Variants in TANC1 observed in about 807,000 individuals in gnomAD.
TANC1 encodes the protein tetratricopeptide repeat, ankyrin repeat and coiled-coil containing 1.
In TANC1, 77 loss-of-function variants were observed where a neutral mutation model predicts 149.7. The observed-to-expected ratio is 0.51, with a 90% CI of 0.43 to 0.62. The LOEUF is 0.62. TANC1 is among the 20% of genes least tolerant of loss of function. The probability of loss-of-function intolerance (pLI) is 0.00; values close to 1 mark genes in which losing one functional copy is unlikely to be tolerated. For missense variants in TANC1, 1,985 were observed against 2,321.8 expected (o/e 0.85, Z 2.98); for synonymous variants, 854 against 925.0 (o/e 0.92, Z 1.39).
intron 2 of TANC1, among the ~76,000 whole-genome samples, chr2:159,034,265 C>T (rs1382993449): frequency 6.6e-6 from 1 of 152,178 alleles, no homozygotes; most frequent in African/African-American, 2.4e-5. Context: ...TCATCACCTA[C>T]AAATCGTTAT....
rs185417376 is a variant in TANC1, at chr2:159,030,946, G to T, written c.-16+29757G>T. 3.3e-5 allele frequency among the ~76,000 whole-genome samples: 5 copies of T among 152,244 alleles called. No individual in the cohort carries two copies. In the East Asian group the frequency reaches 7.7e-4, roughly 24 times the overall value. ...AGGTCTTCAGGGCTGGTGGCTCAGG[G>T]TATATGAGTAGCCTGACACAGGCAC... On this transcript the variant is annotated intron_variant, in intron 2 of 26. Coordinates refer to ENST00000263635, the MANE Select transcript of TANC1 (RefSeq NM_033394.3).
rs555583459 is a variant in TANC1 at position 159,231,107 on chromosome 2, G to C, written c.*95G>C. 14 of 1,133,586 alleles carry C rather than the reference G, an allele frequency of 1.2e-5. No homozygotes were observed. The African/African-American group carries it at 2.2e-4, about 18-fold the overall frequency. The allele number at this position is 1,133,586 out of a possible 1,614,324, so 70.2% of individuals were successfully genotyped here. ...TTTTCATCAGAAAAATTATTTTTTA[G>C]CCATTTTTTTTCTTTGGGGTGGATC... On this transcript the variant is annotated 3_prime_UTR_variant, in exon 27 of 27. Coordinates refer to ENST00000263635, the MANE Select transcript of TANC1 (RefSeq NM_033394.3).
chr2:159,120,076 T>C (rs1168068950), intron 4 of TANC1, among the ~76,000 whole-genome samples: 2 of 152,210 alleles, frequency 1.3e-5, no homozygotes, highest in African/African-American at 4.8e-5. Flanking sequence ...CTTCTGACCA[T>C]GTGCAACAGG....
At chr2:158,985,797 C>T (rs1240602835) in intron 1 of TANC1, among the ~76,000 whole-genome samples, 2 of 152,196 alleles carry the variant, frequency 1.3e-5, no homozygotes, top group Middle Eastern at 3.2e-3. Flanking sequence ...GCATGTGCCA[C>T]CACGCCCAGC....
chr2:158,975,458 AATGAATATGT>A (rs1347801894), intron 1 of TANC1, among the ~76,000 whole-genome samples: 2 of 152,178 alleles, frequency 1.3e-5, no homozygotes, highest in Admixed American at 6.5e-5. Flanking sequence ...GTGACTCATT[AATGAATATGT>A]ATGTGACGCC....
chr2:159,154,523 T>C (rs1341162199), intron 7 of TANC1, among the ~76,000 whole-genome samples: 1 of 152,178 alleles, frequency 6.6e-6, no homozygotes, highest in Non-Finnish European at 1.5e-5. Context: ...GCCCCTCCAG[T>C]CTTCCTCTCT....
At chr2:159,204,281 T>G (rs1038547551) in intron 19 of TANC1, among the ~76,000 whole-genome samples, 2 of 152,076 alleles carry the variant, frequency 1.3e-5, no homozygotes, top group Non-Finnish European at 2.9e-5. Context: ...GGGGGAGCAG[T>G]AAGGGGCCTG....
chr2:159,154,324 C>G (rs1378122094), intron 7 of TANC1, among the ~76,000 whole-genome samples: 1 of 152,182 alleles, frequency 6.6e-6, no homozygotes, highest in Non-Finnish European at 1.5e-5. Flanking sequence ...TATATTTAAT[C>G]TAAATATTTT....
At chr2:158,986,666 C>G (rs554438264) in intron 1 of TANC1, among the ~76,000 whole-genome samples, 1 of 152,252 alleles carries the variant, frequency 6.6e-6, no homozygotes, top group African/African-American at 2.4e-5. Context: ...TCCCAATGGC[C>G]TAGGCTGTCT....
At chr2:159,106,139 C>G (rs895678218) in intron 4 of TANC1, among the ~76,000 whole-genome samples, 18 of 151,996 alleles carry the variant, frequency 1.2e-4, no homozygotes, top group African/African-American at 4.4e-4. Flanking sequence ...ATTTACATAC[C>G]ACATAATTCA....
intron 20 of TANC1, among the ~76,000 whole-genome samples, chr2:159,218,656 A>G (rs998107597): frequency 1.1e-4 from 17 of 152,164 alleles, no homozygotes; most frequent in African/African-American, 3.9e-4. Context: ...TTTTCTCCCC[A>G]AACTTATGAC....
At chr2:159,105,414 T>C (rs2047083933) in intron 4 of TANC1, among the ~76,000 whole-genome samples, 2 of 152,220 alleles carry the variant, frequency 1.3e-5, no homozygotes, top group Admixed American at 1.3e-4. Flanking sequence ...CATTTAAGTG[T>C]ACAGTTCAGT....
At position 159,179,098 on chromosome 2, in the gene TANC1, G is replaced by T; in HGVS notation, c.2445G>T (p.Pro815=). Residue 815 remains proline (P), a synonymous_variant, in exon 14 of 27, where the codon CCG becomes CCT. Coordinates refer to ENST00000263635, the MANE Select transcript of TANC1 (RefSeq NM_033394.3). ...ACAAAACCCGCATGTTCTGCCACCCGTCCTTCAGGGAGTGGCTTGTATGGA... is the reference window on the plus strand; with the variant it reads ...ACAAAACCCGCATGTTCTGCCACCCTTCCTTCAGGGAGTGGCTTGTATGGA... ...RRDKTRMFCH[P]SFREWLVWRA... is the part of the protein sequence containing the mutation. 1 of 1,613,674 alleles carries T rather than the reference G, an allele frequency of 6.2e-7. No individual in the cohort carries two copies. The highest frequency in any genetic ancestry group is 8.5e-7 in the Non-Finnish European group (1 of 1,179,982).
At chr2:159,187,948 G>A (rs1457305664) in intron 16 of TANC1, among the ~76,000 whole-genome samples, 1 of 152,206 alleles carries the variant, frequency 6.6e-6, no homozygotes, top group Admixed American at 6.5e-5. Flanking sequence ...AAGTTTTTAA[G>A]ACAGTAAATT....
At chr2:159,082,118 C>T (rs892111935) in intron 3 of TANC1, among the ~76,000 whole-genome samples, 2 of 152,252 alleles carry the variant, frequency 1.3e-5, no homozygotes, top group African/African-American at 4.8e-5. Flanking sequence ...GGGCTATACT[C>T]AGCCTCCCTA....
intron 24 of TANC1, 25 bp downstream of exon 24, chr2:159,225,804 G>A (rs771887163): frequency 2.7e-5 from 43 of 1,580,394 alleles, no homozygotes; most frequent in Non-Finnish European, 3.4e-5. Context: ...CCTTTTCTTT[G>A]CCATTGAAAC....
At chr2:159,156,187 G>T (rs1002841815) in intron 7 of TANC1, among the ~76,000 whole-genome samples, 12 of 152,038 alleles carry the variant, frequency 7.9e-5, no homozygotes, top group African/African-American at 2.9e-4. Context: ...AAATTGATTT[G>T]GTAATAACTA....
In TANC1 at chr2:159,219,281, G is replaced by A. The variant is rs776805192; in HGVS notation, c.3422G>A (p.Ser1141Asn). 6.2e-7 allele frequency: 1 copy of A among 1,614,218 alleles called. No individual in the cohort carries two copies. ...LLERGCDVNL[S>N]DKQGRTPLMV... Reference sequence around the variant, plus strand: ...GAACGCGGCTGTGATGTGAACCTAAGTGACAAGCAAGGCCGGACGCCCCTC... The same window carrying A: ...GAACGCGGCTGTGATGTGAACCTAAATGACAAGCAAGGCCGGACGCCCCTC... Residue 1141 changes from serine (S) to asparagine (N), a missense_variant, in exon 21 of 27, where the codon AGT becomes AAT. Transcript: ENST00000263635.
At chr2:159,107,734 A>G (rs1373922193) in intron 4 of TANC1, among the ~76,000 whole-genome samples, 2 of 152,176 alleles carry the variant, frequency 1.3e-5, no homozygotes, top group Non-Finnish European at 1.5e-5. Flanking sequence ...TTAGGAGTTG[A>G]CCGTGGGTAT....
Sources: allele counts gnomAD v4.1 joint callset (sites outside exome capture counted in the v4.1 genomes callset), GRCh38; gene constraint gnomAD v4.1.1; transcripts MANE v1.5; gene names NCBI Gene and HGNC (gene_info 2026-07-23, HGNC 2026-07-21).